The following LRRC72 variants were observed in gnomAD, a reference collection of about 807,000 sequenced individuals.
LRRC72 encodes the protein leucine-rich repeat-containing protein 72.
LRRC72 carries 41 observed loss-of-function variants against 35.8 expected under a neutral mutation model. That is an observed-to-expected ratio of 1.15 (90% CI 0.89 to 1.49). The LOEUF (loss-of-function observed/expected upper bound fraction) is 1.49. Ranked by LOEUF, LRRC72 falls within the 40% of genes most tolerant of loss-of-function variation. LRRC72 has a pLI of 0.00. For missense variants in LRRC72, 389 were observed against 330.7 expected (o/e 1.18, Z -1.37); for synonymous variants, 118 against 119.2 (o/e 0.99, Z 0.07).
intron 3 of LRRC72, among the ~76,000 whole-genome samples, chr7:16,556,996 G>C (rs1782660294): frequency 6.6e-6 from 1 of 152,160 alleles, no homozygotes; most frequent in African/African-American, 2.4e-5. Context: ...AATATTAGGT[G>C]GTGGATATGT....
At chr7:16,566,495 T>G in intron 6 of LRRC72, 93 bp downstream of exon 6, 1 of 646,866 alleles carries the variant, frequency 1.5e-6, no homozygotes, top group Non-Finnish European at 2.5e-6. Flanking sequence ...AAATATGTCT[T>G]TGTAAAAAAT....
chr7:16,579,669 C>T (rs1367411758), intron 7 of LRRC72, among the ~76,000 whole-genome samples: 3 of 151,906 alleles, frequency 2.0e-5, no homozygotes, highest in Non-Finnish European at 2.9e-5. Context: ...TAAATATTTC[C>T]CCTCATTTGG....
chr7:16,581,326 C>A lies in LRRC72; in HGVS notation c.701C>A (p.Thr234Asn). ...DFAFANNVDK[T>N]VLDDPEDAVF... ...ACATAATTGCTTTTTTTTTGCAGAA[C>A]TGTGCTTGATGACCCAGAAGATGCT... The change falls in exon 9 of 9, where the codon ACT becomes AAT. Residue 234 changes from threonine (T) to asparagine (N), a missense_variant and splice_region_variant. Physicochemically the swap from Thr to Asn is moderately conservative, Grantham distance 65 (BLOSUM62 0). Transcript: ENST00000401542. 6.8e-7 allele frequency: 1 copy of A among 1,465,362 alleles called. No homozygotes were observed. The allele number at this position is 1,465,362 out of a possible 1,614,324, so 90.8% of individuals were successfully genotyped here.
intron 3 of LRRC72, among the ~76,000 whole-genome samples, chr7:16,543,151 T>C (rs916898501): frequency 6.6e-6 from 1 of 152,208 alleles, no homozygotes. Context: ...AAAGTTCACA[T>C]ATAAAATTTT....
intron 3 of LRRC72, among the ~76,000 whole-genome samples, chr7:16,549,484 T>G (rs7807167): frequency 6.6e-6 from 1 of 151,956 alleles, no homozygotes; most frequent in East Asian, 1.9e-4. Context: ...AGCAGTGGCT[T>G]GTACTGCTGG....
chr7:16,552,873 A>G (rs10261462), intron 3 of LRRC72, among the ~76,000 whole-genome samples: 44,488 of 152,040 alleles, frequency 0.29, 6,710 homozygotes, highest in East Asian at 0.39. Context: ...GCAGGTACTC[A>G]AGCCTGGGTC....
intron 3 of LRRC72, among the ~76,000 whole-genome samples, chr7:16,540,320 C>T (rs1343766922): frequency 6.6e-6 from 1 of 152,226 alleles, no homozygotes; most frequent in Non-Finnish European, 1.5e-5. Flanking sequence ...TGGCCAATTT[C>T]TCTCATTTAG....
chr7:16,557,715 TTTAACAATAG>T (rs1315423948), intron 4 of LRRC72, among the ~76,000 whole-genome samples: 1 of 152,176 alleles, frequency 6.6e-6, no homozygotes, highest in African/African-American at 2.4e-5. Flanking sequence ...GGAAGCAAAT[TTTAACAATAG>T]TTGGGAGCAT....
intron 3 of LRRC72, among the ~76,000 whole-genome samples, chr7:16,540,491 G>C (rs984205811): frequency 1.3e-5 from 2 of 152,176 alleles, no homozygotes; most frequent in Non-Finnish European, 2.9e-5. Flanking sequence ...GAAGACTTTG[G>C]GGAACTGTTG....
At chr7:16,560,189 G>A (rs1049002893) in intron 5 of LRRC72, among the ~76,000 whole-genome samples, 23 of 152,098 alleles carry the variant, frequency 1.5e-4, no homozygotes, top group African/African-American at 3.6e-4. Flanking sequence ...ATAATGTAAC[G>A]CAATAGATAT....
At chr7:16,581,165 G>C (rs751620080) in intron 8 of LRRC72, among the ~76,000 whole-genome samples, 159 bp from the exon 9 acceptor site, 7 of 152,126 alleles carry the variant, frequency 4.6e-5, no homozygotes, top group Non-Finnish European at 7.3e-5. Flanking sequence ...TAGCCTGAAA[G>C]TCATTTGTCA....
chr7:16,547,911 G>A (rs1313318424), intron 3 of LRRC72, among the ~76,000 whole-genome samples: 2 of 152,240 alleles, frequency 1.3e-5, no homozygotes, highest in Non-Finnish European at 1.5e-5. Context: ...CCACCTTCAA[G>A]CTGGAAAGGG....
At chr7:16,557,224 A>G (rs762291745) in intron 3 of LRRC72, 136 bp from the exon 4 acceptor site, 20 of 246,220 alleles carry the variant, frequency 8.1e-5, no homozygotes, top group Non-Finnish European at 5.6e-5. Context: ...GGTCACAAAT[A>G]AGAATAGCAG....
intron 1 of LRRC72, among the ~76,000 whole-genome samples, chr7:16,529,013 T>C (rs1395640957): frequency 6.6e-6 from 1 of 152,200 alleles, no homozygotes; most frequent in African/African-American, 2.4e-5. Context: ...TTCATATATA[T>C]GTACATATAC....
intron 2 of LRRC72, among the ~76,000 whole-genome samples, chr7:16,533,569 G>C (rs1782204009): frequency 1.3e-5 from 2 of 152,104 alleles, no homozygotes; most frequent in South Asian, 4.2e-4. Flanking sequence ...TTGGAACTCA[G>C]CTTCTTGTAA....
At chr7:16,554,039 C>A (rs1278116734) in intron 3 of LRRC72, among the ~76,000 whole-genome samples, 3 of 152,152 alleles carry the variant, frequency 2.0e-5, no homozygotes, top group Admixed American at 6.6e-5. Context: ...ATAATAATAA[C>A]ATTTTACGGC....
chr7:16,535,383 A>G (rs1283150335), intron 2 of LRRC72, among the ~76,000 whole-genome samples: 4 of 152,152 alleles, frequency 2.6e-5, no homozygotes, highest in Non-Finnish European at 5.9e-5. Context: ...GAAGGTGGGG[A>G]GGAGAATGAA....
intron 1 of LRRC72, among the ~76,000 whole-genome samples, chr7:16,529,334 G>A (rs2128334028): frequency 6.6e-6 from 1 of 152,268 alleles, no homozygotes; most frequent in East Asian, 1.9e-4. Context: ...TTAAGGCCCA[G>A]CCTGACTGTC....
intron 2 of LRRC72, among the ~76,000 whole-genome samples, chr7:16,534,209 G>C (rs1010497714): frequency 8.5e-5 from 13 of 152,162 alleles, no homozygotes; most frequent in Non-Finnish European, 1.8e-4. Flanking sequence ...AGTGATCATG[G>C]AGAACATACA....
Sources: gnomAD v4.1 joint callset for allele counts (sites outside exome capture counted in the v4.1 genomes callset) on GRCh38, gnomAD v4.1.1 for gene constraint, MANE v1.5 for transcripts, NCBI Gene and HGNC (gene_info 2026-07-23, HGNC 2026-07-21) for gene names.